The following SOX6 variants were observed in gnomAD, a reference collection of about 807,000 sequenced individuals.
The protein encoded by SOX6 is transcription factor SOX-6.
SOX6 carries 11 observed loss-of-function variants against 97.8 expected under a neutral mutation model. That is an observed-to-expected ratio of 0.11 (90% CI 0.07 to 0.19). The LOEUF is 0.19. Ranked by LOEUF, SOX6 falls within the 10% of genes least tolerant of loss-of-function variation. The probability of loss-of-function intolerance (pLI) is 1.00; values close to 1 mark genes in which losing one functional copy is unlikely to be tolerated. For synonymous variants in SOX6, 360 were observed against 371.4 expected (o/e 0.97, Z 0.35); for missense variants, 810 against 1,039.5 (o/e 0.78, Z 3.04).
chr11:16,502,516 G>T (rs1860724152), intron 4 of SOX6, among the ~76,000 whole-genome samples: 1 of 151,406 alleles, frequency 6.6e-6, no homozygotes, highest in African/African-American at 2.4e-5. Flanking sequence ...TTGCCAAAGA[G>T]ATAAATATCA....
At chr11:16,068,953 C>T (rs116893243) in intron 9 of SOX6, among the ~76,000 whole-genome samples, 2 of 152,302 alleles carry the variant, frequency 1.3e-5, no homozygotes, top group Admixed American at 6.5e-5. Flanking sequence ...AACATAATGC[C>T]TGACATTTTC....
intron 1 of SOX6, among the ~76,000 whole-genome samples, chr11:16,454,417 G>C (rs982765533): frequency 3.9e-5 from 6 of 151,996 alleles, no homozygotes; most frequent in Non-Finnish European, 8.8e-5. Flanking sequence ...AAAGCAGGGT[G>C]CTCAGTCATT....
chr11:16,655,227 C>G (rs1269265169), intron 3 of SOX6, among the ~76,000 whole-genome samples: 1 of 152,054 alleles, frequency 6.6e-6, no homozygotes, highest in Non-Finnish European at 1.5e-5. Context: ...ACGTTTGGTT[C>G]CCTATAACTT....
chr11:16,489,183 A>G (rs2133131238), intron 4 of SOX6, among the ~76,000 whole-genome samples: 1 of 152,306 alleles, frequency 6.6e-6, no homozygotes, highest in East Asian at 1.9e-4. Context: ...AAATTTCCTT[A>G]ATGCTGAACA....
intron 3 of SOX6, among the ~76,000 whole-genome samples, chr11:16,628,764 G>A (rs997846588): frequency 6.6e-6 from 1 of 152,104 alleles, no homozygotes; most frequent in South Asian, 2.1e-4. Flanking sequence ...AGCATGAAAT[G>A]TTTTTCCATT....
chr11:16,125,101 T>C (rs1162148434), intron 6 of SOX6, among the ~76,000 whole-genome samples: 1 of 152,126 alleles, frequency 6.6e-6, no homozygotes, highest in Non-Finnish European at 1.5e-5. Context: ...GACTAAAATA[T>C]GATCTTTCTA....
chr11:16,272,324 T>C (rs1441635604), intron 3 of SOX6, among the ~76,000 whole-genome samples: 1 of 151,708 alleles, frequency 6.6e-6, no homozygotes. Flanking sequence ...GATGGTCATC[T>C]ATCCACTTCA....
At position 16,495,000 on chromosome 11, in the gene SOX6, G is replaced by A. The variant is rs182557885; in HGVS notation, n.610-18612C>T. ...CCCAGCACCCTCCAGACTGCATCCT[G>A]CCTTGGAGCCCAACAGCCCCTGCAT... On this transcript the variant is annotated intron_variant and non_coding_transcript_variant, in intron 4 of 5. Transcript: ENST00000524520. Among the ~76,000 whole-genome samples the A allele has an allele frequency of 1.1e-3, 173 of 152,228 alleles. 3 individuals are homozygous for A. The highest frequency in any genetic ancestry group is 3.8e-3 in the African/African-American group (158 of 41,534).
Position 16,607,459 on chromosome 11 carries a change from G to A in SOX6, n.609+4622C>T, listed in dbSNP as rs1403904720. 6.6e-6 allele frequency: 1 copy of A among 152,436 alleles called. No individual in the cohort carries two copies. Among genetic ancestry groups the A allele is most frequent in the Non-Finnish European group, 1.5e-5 (1 of 68,208 alleles). 9.4% of individuals were successfully genotyped at this position (152,436 alleles called of 1,614,324 possible). A position where few individuals can be genotyped will look rare whatever the true frequency, so the allele number is the denominator to read the frequency against. On this transcript the variant is annotated intron_variant and non_coding_transcript_variant, in intron 4 of 5. Coordinates refer to the SOX6 transcript ENST00000524520. The surrounding 1 kb of genome is among the most constrained non-coding windows in gnomAD (Gnocchi z 6.5). ...ACAAATAAAAAAAATTAAAAGGAAG[G>A]GGAGTCGGTGCTAGGTCAATTGTCA...
At chr11:16,597,272 G>A (rs556175256) in intron 4 of SOX6, among the ~76,000 whole-genome samples, 23 of 151,574 alleles carry the variant, frequency 1.5e-4, no homozygotes, top group East Asian at 3.9e-4. Flanking sequence ...TCCTAACACC[G>A]TTATCCAGAA....
Position 16,234,159 on chromosome 11 carries a change from T to C in SOX6, c.535+423A>G, listed in dbSNP as rs868361330. Among the ~76,000 whole-genome samples the C allele has an allele frequency of 4.6e-5, 7 of 152,154 alleles. No individual in the cohort carries two copies. In the Middle Eastern group the frequency reaches 0.014, roughly 296 times the overall value. ...CCAATAAACCATTATGTACAGCACA[T>C]TCTATAAACATTTTTAAAGGTGCTA... On this transcript the variant is annotated intron_variant, in intron 4 of 15. Coordinates refer to ENST00000683767, the MANE Select transcript of SOX6 (RefSeq NM_001367873.1).
At chr11:16,499,762 A>T (rs1860669610) in intron 4 of SOX6, among the ~76,000 whole-genome samples, 1 of 152,340 alleles carries the variant, frequency 6.6e-6, no homozygotes, top group East Asian at 1.9e-4. Flanking sequence ...TAAACCAGGA[A>T]GAAGTTGAAT....
intron 4 of SOX6, among the ~76,000 whole-genome samples, chr11:16,520,248 G>A (rs190809112): frequency 7.2e-5 from 11 of 152,212 alleles, no homozygotes; most frequent in African/African-American, 2.6e-4. Context: ...TTGCTTTTGA[G>A]GTCATAGTCA....
chr11:16,061,406 T>G (rs1467837551), intron 9 of SOX6, among the ~76,000 whole-genome samples: 1 of 150,626 alleles, frequency 6.6e-6, no homozygotes, highest in Non-Finnish European at 1.5e-5. Context: ...CATAAACAAA[T>G]GGAAAAACAT....
At chr11:16,482,974 A>C (rs1358989838) in intron 4 of SOX6, among the ~76,000 whole-genome samples, 1 of 152,240 alleles carries the variant, frequency 6.6e-6, no homozygotes, top group Non-Finnish European at 1.5e-5. Flanking sequence ...CTAAGGCACC[A>C]GCAGTTTTAA....
chr11:16,669,013 T>G (rs1403661521), intron 3 of SOX6, among the ~76,000 whole-genome samples: 1 of 152,196 alleles, frequency 6.6e-6, no homozygotes, highest in Non-Finnish European at 1.5e-5. Context: ...AGAAACACTG[T>G]ACTTAATCTG....
intron 1 of SOX6, among the ~76,000 whole-genome samples, chr11:16,350,729 G>C (rs1461713862): frequency 6.6e-6 from 1 of 152,032 alleles, no homozygotes; most frequent in Non-Finnish European, 1.5e-5. Context: ...ATGGTAAATG[G>C]GTAAAAGGAG....
At chr11:15,974,365 C>G (rs1374986365) in intron 15 of SOX6, among the ~76,000 whole-genome samples, 1 of 109,044 alleles carries the variant, frequency 9.2e-6, no homozygotes, top group East Asian at 3.1e-4. Flanking sequence ...TTGTTTTTTT[C>G]TGTTAGCTCT....
At chr11:16,527,326 G>C (rs1861181896) in intron 4 of SOX6, among the ~76,000 whole-genome samples, 1 of 152,076 alleles carries the variant, frequency 6.6e-6, no homozygotes, top group South Asian at 2.1e-4. Context: ...GCAACCCTCA[G>C]CTGGAACCTG....
Sources: gnomAD v4.1 joint callset for allele counts (sites outside exome capture counted in the v4.1 genomes callset) on GRCh38, gnomAD v4.1.1 for gene constraint, Gnocchi (gnomAD v3.1) non-coding constraint, MANE v1.5 for transcripts, NCBI Gene and HGNC (gene_info 2026-07-23, HGNC 2026-07-21) for gene names.